The following CLHC1 variants were observed in gnomAD, a reference collection of about 807,000 sequenced individuals.
The protein encoded by CLHC1 is clathrin heavy chain linker domain containing 1.
CLHC1 carries 72 observed loss-of-function variants against 69.5 expected under a neutral mutation model. The observed-to-expected ratio is 1.04, with a 90% CI of 0.86 to 1.26. The LOEUF (loss-of-function observed/expected upper bound fraction) is 1.26. Ranked by LOEUF, CLHC1 falls within the 50% of genes most tolerant of loss-of-function variation. The probability of loss-of-function intolerance (pLI) is 0.00; values close to 1 mark genes in which losing one functional copy is unlikely to be tolerated. For synonymous variants in CLHC1, 223 were observed against 224.3 expected (o/e 0.99, Z 0.05); for missense variants, 790 against 679.3 (o/e 1.16, Z -1.81).
chr2:55,211,979 CA>C (rs1321735976), intron 5 of CLHC1, among the ~76,000 whole-genome samples: 15 of 152,110 alleles, frequency 9.9e-5, no homozygotes, highest in Non-Finnish European at 1.9e-4. Flanking sequence ...TAGAGTGCAT[CA>C]AAAAAACCTG....
At chr2:55,200,773 T>C (rs781677112) in intron 9 of CLHC1, among the ~76,000 whole-genome samples, 3 of 152,308 alleles carry the variant, frequency 2.0e-5, no homozygotes, top group East Asian at 1.9e-4. Context: ...AAAGACCATA[T>C]GTTAGGCCAC....
rs1669195859 is a variant in CLHC1, at chr2:55,174,327, A to G, written c.*1463T>C. Among the ~76,000 whole-genome samples the G allele has an allele frequency of 6.6e-6, 1 of 152,234 alleles. No individual in the cohort carries two copies. Among genetic ancestry groups the G allele is most frequent in the Admixed American group, 6.5e-5 (1 of 15,282 alleles). ...TCTGAATTTATAAGATAAGCCAGGC[A>G]ACCCTAATACAAGTGTGGACAGATA... On this transcript the variant is annotated 3_prime_UTR_variant, in exon 13 of 13. Coordinates refer to ENST00000401408, the MANE Select transcript of CLHC1 (RefSeq NM_152385.4).
intron 9 of CLHC1, among the ~76,000 whole-genome samples, chr2:55,204,593 G>A (rs1028323619): frequency 3.9e-5 from 6 of 152,158 alleles, no homozygotes; most frequent in African/African-American, 4.8e-5. Flanking sequence ...GTTACCATAT[G>A]ATCCAGCAAT....
In CLHC1 at chr2:55,175,432, A is replaced by C. The variant is rs1311978552; in HGVS notation, c.*358T>G. ...TTCATGTTTGGGAAGACAGTCTAAC[A>C]CACAGGATACTACCCACACCTTCCT... is the stretch of plus-strand genomic sequence containing the variant. On this transcript the variant is annotated 3_prime_UTR_variant, in exon 13 of 13. Transcript: ENST00000401408. 1.1e-5 allele frequency: 2 copies of C among 181,662 alleles called. No homozygotes were observed. Among genetic ancestry groups the C allele is most frequent in the Admixed American group, 5.5e-5 (1 of 18,054 alleles). 11.3% of individuals were successfully genotyped at this position (181,662 alleles called of 1,614,324 possible). A position where few individuals can be genotyped will look rare whatever the true frequency, so the allele number is the denominator to read the frequency against.
intron 9 of CLHC1, among the ~76,000 whole-genome samples, chr2:55,202,528 C>T (rs902808420): frequency 1.2e-4 from 18 of 150,152 alleles, no homozygotes; most frequent in Admixed American, 6.6e-4. Context: ...TGCACTCCAG[C>T]CTGGGGGACA....
chr2:55,208,865 C>CT (rs142601208), intron 7 of CLHC1, among the ~76,000 whole-genome samples, 155 bp from the exon 8 acceptor site: 31 of 90,814 alleles, frequency 3.4e-4, no homozygotes, highest in South Asian at 1.6e-3. Context: ...TCCCTTTCCT[C>CT]TTTTTTTTTT....
chr2:55,195,549 C>G (rs1671329893), intron 9 of CLHC1, among the ~76,000 whole-genome samples: 2 of 152,170 alleles, frequency 1.3e-5, no homozygotes, highest in Admixed American at 6.5e-5. Flanking sequence ...CACCTGTAAT[C>G]CCAGCACTTT....
intron 3 of CLHC1, among the ~76,000 whole-genome samples, chr2:55,220,480 G>C (rs1674003505): frequency 2.0e-5 from 3 of 152,002 alleles, no homozygotes; most frequent in Admixed American, 6.5e-5. Context: ...TCTTTACAAG[G>C]TAAAATTTAC....
At chr2:55,187,432 G>T (rs1670522307) in intron 9 of CLHC1, among the ~76,000 whole-genome samples, 1 of 151,968 alleles carries the variant, frequency 6.6e-6, no homozygotes, top group Admixed American at 6.6e-5. Context: ...GGTCAATATG[G>T]CAAAACCCCA....
intron 9 of CLHC1, among the ~76,000 whole-genome samples, chr2:55,195,019 C>T (rs1671274387): frequency 6.6e-6 from 1 of 151,972 alleles, no homozygotes; most frequent in African/African-American, 2.4e-5. Context: ...TGGGCTCAAG[C>T]AATCCTCCTG....
chr2:55,231,802 C>T (rs1675400780), intron 1 of CLHC1: 1 of 152,164 alleles, frequency 6.6e-6, no homozygotes, highest in African/African-American at 2.4e-5. Context: ...AACTAAATAA[C>T]CATTCTGCAG....
At chr2:55,211,239 C>T (rs529289657) in intron 5 of CLHC1, among the ~76,000 whole-genome samples, 1 of 152,166 alleles carries the variant, frequency 6.6e-6, no homozygotes, top group African/African-American at 2.4e-5. Context: ...CAGTGGCTCA[C>T]GCCTGTAATC....
chr2:55,185,555 T>C (rs1210455558), intron 9 of CLHC1, among the ~76,000 whole-genome samples: 1 of 152,178 alleles, frequency 6.6e-6, no homozygotes, highest in Admixed American at 6.5e-5. Flanking sequence ...GTGATGCAAA[T>C]CATTTTTGCA....
chr2:55,206,426 G>GA (rs1558489121), intron 8 of CLHC1, 50 bp from the exon 9 acceptor site: 1 of 1,020,796 alleles, frequency 9.8e-7, no homozygotes, highest in Non-Finnish European at 1.5e-6. Flanking sequence ...AAGAAAAAGA[G>GA]AAAAAACTGA....
intron 4 of CLHC1, chr2:55,215,122 T>C (rs1368418041): frequency 6.6e-5 from 10 of 152,224 alleles, no homozygotes; most frequent in African/African-American, 2.4e-4. Context: ...GAATTTTAAC[T>C]CAACTTGGAA....
chr2:55,182,759 G>A (rs1208060060), intron 9 of CLHC1, among the ~76,000 whole-genome samples: 1 of 152,154 alleles, frequency 6.6e-6, no homozygotes, highest in Non-Finnish European at 1.5e-5. Context: ...TTCCTTAAGG[G>A]TGAAGGAGAT....
intron 9 of CLHC1, among the ~76,000 whole-genome samples, chr2:55,191,380 T>C (rs1670910670): frequency 6.6e-6 from 1 of 152,084 alleles, no homozygotes; most frequent in African/African-American, 2.4e-5. Context: ...GGATTACAGG[T>C]GCAGGCCACC....
intron 4 of CLHC1, among the ~76,000 whole-genome samples, chr2:55,214,018 G>A (rs1673250305): frequency 6.6e-6 from 1 of 152,046 alleles, no homozygotes; most frequent in Non-Finnish European, 1.5e-5. Context: ...GGATGGTTGG[G>A]GGATCACATG....
intron 9 of CLHC1, among the ~76,000 whole-genome samples, chr2:55,204,516 G>A (rs914616331): frequency 1.3e-5 from 2 of 152,148 alleles, no homozygotes; most frequent in Non-Finnish European, 2.9e-5. Context: ...CACTGTTGGT[G>A]GGAATGTAAA....
Sources: gnomAD v4.1 joint callset for allele counts (sites outside exome capture counted in the v4.1 genomes callset) on GRCh38, gnomAD v4.1.1 for gene constraint, MANE v1.5 for transcripts, NCBI Gene and HGNC (gene_info 2026-07-23, HGNC 2026-07-21) for gene names.